Variants in NR3C2 observed in about 807,000 individuals in gnomAD.
NR3C2 encodes the protein nuclear receptor subfamily 3 group C member 2, also known as mineralocorticoid receptor.
Under a neutral mutation model 86.4 loss-of-function variants are expected in NR3C2, and 15 were observed. The ratio of observed to expected loss-of-function variants is 0.17; its 90% CI spans 0.12 to 0.27. The LOEUF is 0.27. NR3C2 is among the 10% of genes least tolerant of loss of function. The pLI is 1.00. For missense variants in NR3C2, 960 were observed against 1,195.6 expected, an observed-to-expected ratio of 0.80 and a Z score of 2.91; for synonymous variants, 458 against 450.5, an observed-to-expected ratio of 1.02 and a Z score of -0.21.
chr4:148,251,237 G>A (rs1296350700), intron 3 of NR3C2, among the ~76,000 whole-genome samples: 1 of 152,054 alleles, frequency 6.6e-6, no homozygotes, highest in Non-Finnish European at 1.5e-5. Context: ...GGGATTACAG[G>A]CGTGAGCCAC....
chr4:148,180,557 T>C (rs957401915), intron 4 of NR3C2, among the ~76,000 whole-genome samples: 5 of 152,210 alleles, frequency 3.3e-5, no homozygotes, highest in African/African-American at 4.8e-5. Flanking sequence ...GCTCATATTA[T>C]TAATAAACTA....
chr4:148,172,658 T>G (rs1187272509), intron 4 of NR3C2, among the ~76,000 whole-genome samples: 5 of 151,964 alleles, frequency 3.3e-5, no homozygotes, highest in African/African-American at 1.2e-4. Context: ...TAATGGCATG[T>G]TTGTTTATTC....
chr4:148,259,019 A>G (rs1207406487), intron 3 of NR3C2, among the ~76,000 whole-genome samples: 1 of 152,230 alleles, frequency 6.6e-6, no homozygotes, highest in Admixed American at 6.5e-5. Flanking sequence ...AAGAGAAAGA[A>G]TAATTACTTG....
chr4:148,414,821 C>T (rs930160230), intron 2 of NR3C2, among the ~76,000 whole-genome samples: 2 of 152,164 alleles, frequency 1.3e-5, no homozygotes, highest in African/African-American at 4.8e-5. Flanking sequence ...TTAGCAATAA[C>T]AGCTGAATAA....
chr4:148,241,760 A>C (rs1050100388), intron 3 of NR3C2, among the ~76,000 whole-genome samples: 9 of 152,238 alleles, frequency 5.9e-5, no homozygotes, highest in Admixed American at 5.9e-4. Context: ...CCCCAGTGCC[A>C]ATGACAGCAT....
intron 1 of NR3C2, among the ~76,000 whole-genome samples, chr4:148,437,795 G>C (rs1355665765): frequency 6.6e-6 from 1 of 152,088 alleles, no homozygotes; most frequent in African/African-American, 2.4e-5. Flanking sequence ...CTTGGCCTTA[G>C]ACCAGTCAGT....
At chr4:148,136,067 A>AAAAG (rs1560939934) in intron 6 of NR3C2, among the ~76,000 whole-genome samples, 18 of 97,594 alleles carry the variant, frequency 1.8e-4, no homozygotes, top group Non-Finnish European at 3.2e-4. Flanking sequence ...AAAAAAAAAA[A>AAAAG]AAAAAAAAAC....
intron 2 of NR3C2, among the ~76,000 whole-genome samples, chr4:148,329,067 C>G (rs1220768004): frequency 6.6e-6 from 1 of 152,052 alleles, no homozygotes; most frequent in African/African-American, 2.4e-5. Context: ...GTCAAAATTG[C>G]AAAAGCCTTC....
chr4:148,244,611 A>G (rs772082384), intron 3 of NR3C2, among the ~76,000 whole-genome samples: 3 of 152,222 alleles, frequency 2.0e-5, no homozygotes, highest in Non-Finnish European at 4.4e-5. Context: ...AGGAACACAC[A>G]TGCAGGGTCT....
intron 2 of NR3C2, among the ~76,000 whole-genome samples, chr4:148,390,716 T>C (rs1240708948): frequency 6.6e-6 from 1 of 152,164 alleles, no homozygotes; most frequent in Non-Finnish European, 1.5e-5. Context: ...CCCTTAATCT[T>C]AAATACAGAG....
chr4:148,335,201 A>G (rs1257574709), intron 2 of NR3C2, among the ~76,000 whole-genome samples: 1 of 152,196 alleles, frequency 6.6e-6, no homozygotes, highest in African/African-American at 2.4e-5. Flanking sequence ...AACAACTGGT[A>G]ACAGACCAAG....
intron 8 of NR3C2, among the ~76,000 whole-genome samples, chr4:148,096,912 G>A (rs972729785): frequency 6.6e-6 from 1 of 152,178 alleles, no homozygotes; most frequent in African/African-American, 2.4e-5. Context: ...TGGATTGGAA[G>A]GCATCTCACA....
chr4:148,160,949 T>C (rs1578956409), intron 4 of NR3C2, among the ~76,000 whole-genome samples: 1 of 152,138 alleles, frequency 6.6e-6, no homozygotes, highest in East Asian at 1.9e-4. Flanking sequence ...CTCTCAAAGA[T>C]AGGGGGCAAC....
intron 8 of NR3C2, among the ~76,000 whole-genome samples, chr4:148,084,207 A>G (rs1219681433): frequency 1.3e-5 from 2 of 152,226 alleles, no homozygotes; most frequent in African/African-American, 4.8e-5. Flanking sequence ...ACTCCAAGAC[A>G]CAGAATAGTC....
intron 2 of NR3C2, among the ~76,000 whole-genome samples, chr4:148,385,795 A>G (rs945644047): frequency 1.1e-4 from 16 of 152,246 alleles, no homozygotes; most frequent in African/African-American, 3.9e-4. Flanking sequence ...AGCCCCTAGG[A>G]CCTGCTACAA....
intron 2 of NR3C2, among the ~76,000 whole-genome samples, chr4:148,423,751 C>T (rs1328912123): frequency 1.3e-5 from 2 of 152,144 alleles, no homozygotes; most frequent in East Asian, 1.9e-4. Flanking sequence ...CACCCAGGCT[C>T]GAGTGCAGTG....
intron 2 of NR3C2, among the ~76,000 whole-genome samples, chr4:148,351,464 T>C (rs898795064): frequency 6.6e-6 from 1 of 152,162 alleles, no homozygotes; most frequent in African/African-American, 2.4e-5. Flanking sequence ...TTCTAATATG[T>C]AACATTTGCC....
At chr4:148,432,969 C>G (rs1749862621) in intron 2 of NR3C2, among the ~76,000 whole-genome samples, 2 of 152,014 alleles carry the variant, frequency 1.3e-5, no homozygotes, top group South Asian at 4.1e-4. Context: ...TTAGCTGGCA[C>G]AAAACTAGTA....
intron 6 of NR3C2, among the ~76,000 whole-genome samples, chr4:148,150,557 T>C (rs994880787): frequency 3.9e-5 from 6 of 152,150 alleles, no homozygotes; most frequent in African/African-American, 1.2e-4. Flanking sequence ...ATGCAAAACA[T>C]GTGGCAATAA....
Sources: gnomAD v4.1 joint callset for allele counts (sites outside exome capture counted in the v4.1 genomes callset) on GRCh38, gnomAD v4.1.1 for gene constraint, MANE v1.5 for transcripts, NCBI Gene and HGNC (gene_info 2026-07-23, HGNC 2026-07-21) for gene names.